Variants in ZNF449 observed in about 807,000 individuals in gnomAD.
The protein encoded by ZNF449 is zinc finger and SCAN domain-containing protein 19.
Under a neutral mutation model 32.6 loss-of-function variants are expected in ZNF449, and 4 were observed. The ratio of observed to expected loss-of-function variants is 0.12; its 90% CI spans 0.06 to 0.28. ZNF449 has a LOEUF of 0.28. ZNF449 is among the 10% of genes least tolerant of loss of function. The probability of loss-of-function intolerance (pLI) is 1.00; values close to 1 mark genes in which losing one functional copy is unlikely to be tolerated. For missense variants in ZNF449, 275 were observed against 383.2 expected (o/e 0.72, Z 2.36); for synonymous variants, 123 against 132.2 (o/e 0.93, Z 0.48).
At chrX:135,358,786 A>C (rs1241976856) in intron 3 of ZNF449, among the ~76,000 whole-genome samples, 1 of 111,761 alleles carries the variant, frequency 8.9e-6, no homozygotes, top group Non-Finnish European at 1.9e-5. Flanking sequence ...TTTACTTCAC[A>C]GCAGCTTTCT....
intron 3 of ZNF449, among the ~76,000 whole-genome samples, chrX:135,353,122 A>C (rs1369152662): frequency 9.0e-6 from 1 of 111,598 alleles, no homozygotes; most frequent in African/African-American, 3.3e-5. Context: ...TTCCTTGCCA[A>C]AGGAATTTCT....
At chrX:135,344,866 C>T (rs1461386247) in intron 1 of ZNF449, 31 bp downstream of exon 1, 1 of 113,358 alleles carries the variant, frequency 8.8e-6, no homozygotes, top group Admixed American at 9.2e-5. Flanking sequence ...AGGGCGTGGC[C>T]GTTCCCTGGG....
In ZNF449 at chrX:135,360,953, C is replaced by T. The variant is rs141878135; in HGVS notation, c.1434C>T (p.Leu478=). Residue 478 remains leucine, a synonymous_variant, in exon 5 of 5, where the codon CTC becomes CTT. Coordinates refer to ENST00000339249, the MANE Select transcript of ZNF449 (RefSeq NM_152695.6). The part of the protein sequence containing the change: ...CGKSFRQRPS[L]VIHLRIHTGE... Reference sequence around the variant, plus strand: ...AAAGTTTTAGACAGAGACCAAGCCTCGTTATTCATTTAAGAATCCACACAG... The same window carrying T: ...AAAGTTTTAGACAGAGACCAAGCCTTGTTATTCATTTAAGAATCCACACAG... The T allele has an allele frequency of 1.6e-3, 1,917 of 1,209,437 alleles. 2 individuals are homozygous for T. Among genetic ancestry groups the T allele is most frequent in the Non-Finnish European group, 1.9e-3 (1,732 of 894,944 alleles).
chrX:135,362,906 C>T lies in ZNF449; in HGVS notation c.*1830C>T, dbSNP rs1556454805. 1.8e-5 allele frequency: 2 copies of T among 111,971 alleles called. No homozygotes were observed. Among genetic ancestry groups the T allele is most frequent in the African/African-American group, 6.5e-5 (2 of 30,804 alleles). The allele number at this position is 111,971 out of a possible 1,213,427, so 9.2% of individuals were successfully genotyped here. On this transcript the variant is annotated 3_prime_UTR_variant, in exon 5 of 5. Transcript: ENST00000339249. ...CTAGACCCAGGATGTATCTTTAATT[C>T]TTGTCATCCAGGTCAACATATGATG...
At position 135,362,680 on chromosome X, in the gene ZNF449, G is replaced by A. The variant is rs375711693; in HGVS notation, c.*1604G>A. Reference sequence around the variant, plus strand: ...ATGTCTTTATTCCATTGAAGTTCTCGAGAGTGATATAAATACTTTGGGGGG... The same window carrying A: ...ATGTCTTTATTCCATTGAAGTTCTCAAGAGTGATATAAATACTTTGGGGGG... On this transcript the variant is annotated 3_prime_UTR_variant, in exon 5 of 5. Transcript: ENST00000339249. The A allele has an allele frequency of 8.9e-6, 1 of 111,904 alleles. No homozygotes were observed. Among genetic ancestry groups the A allele is most frequent in the Non-Finnish European group, 1.9e-5 (1 of 53,111 alleles). 9.2% of individuals were successfully genotyped at this position (111,904 alleles called of 1,213,427 possible).
At chrX:135,344,906 C>T (rs1195752374) in intron 1 of ZNF449, 71 bp downstream of exon 1, 1 of 113,130 alleles carries the variant, frequency 8.8e-6, no homozygotes, top group Non-Finnish European at 1.9e-5. Flanking sequence ...GGCTCCTTTC[C>T]GTGGCCGGGG....
intron 3 of ZNF449, among the ~76,000 whole-genome samples, chrX:135,353,519 C>T (rs1313889563): frequency 2.7e-5 from 3 of 110,808 alleles, no homozygotes; most frequent in Non-Finnish European, 5.7e-5. Flanking sequence ...TTAGCTATAG[C>T]CAGAGGATGA....
chrX:135,362,728 T>C lies in ZNF449; in HGVS notation c.*1652T>C, dbSNP rs1444503566. 8.9e-6 allele frequency: 1 copy of C among 112,075 alleles called. No individual in the cohort carries two copies. The highest frequency in any genetic ancestry group is 3.2e-5 in the African/African-American group (1 of 30,856). The allele number at this position is 112,075 out of a possible 1,213,427, so 9.2% of individuals were successfully genotyped here. On this transcript the variant is annotated 3_prime_UTR_variant, in exon 5 of 5. Coordinates refer to ENST00000339249, the MANE Select transcript of ZNF449 (RefSeq NM_152695.6). The stretch of plus-strand genomic sequence containing the variant: ...GGGTATCTACTATGTGCCTAACTAG[T>C]CCTGTTCTAGGCTTAGTGGAAGCTA...
At chrX:135,346,787 TTA>T (rs1240921383) in intron 1 of ZNF449, among the ~76,000 whole-genome samples, 29 of 97,426 alleles carry the variant, frequency 3.0e-4, no homozygotes, top group Non-Finnish European at 1.3e-4. Context: ...CTTTGAGATT[TTA>T]TAAACTTTTG....
rs1556448745 is a variant in ZNF449, at chrX:135,347,463, A to G, written c.345A>G (p.Pro115=). The change falls in exon 2 of 5, where the codon CCA becomes CCG. Residue 115 remains proline, a synonymous_variant. Coordinates refer to ENST00000339249, the MANE Select transcript of ZNF449 (RefSeq NM_152695.6). ...ACTTACAGAGAGAACTTGAGATACC[A>G]GAGCAGCAGGTAAGAAAAGAATGTG... ...IEDLQRELEI[P]EQQVDMHDML... is the part of the protein sequence containing the mutation. 10 of 1,210,517 alleles carry G rather than the reference A, an allele frequency of 8.3e-6. No homozygotes were observed. The highest frequency in any genetic ancestry group is 1.0e-5 in the Non-Finnish European group (9 of 895,330).
At chrX:135,351,658 TAAAAAAAAAAAAAAAAAA>T (rs782046147) in intron 3 of ZNF449, among the ~76,000 whole-genome samples, 1 of 49,505 alleles carries the variant, frequency 2.0e-5, no homozygotes, top group African/African-American at 7.8e-5. Context: ...TGAGGAATTC[TAAAAAAAAAAAAAAAAAA>T]AAAAAAAAAC....
At chrX:135,354,624 C>A (rs1556451336) in intron 3 of ZNF449, among the ~76,000 whole-genome samples, 1 of 112,037 alleles carries the variant, frequency 8.9e-6, no homozygotes, top group Non-Finnish European at 1.9e-5. Context: ...GGTGTAGAGA[C>A]TGTCCTGATG....
rs190088263 is a variant in ZNF449, at chrX:135,356,433, A to G, written c.560-3459A>G. On this transcript the variant is annotated intron_variant, in intron 3 of 4. Transcript: ENST00000339249. ...CTTTCTTTGAAGAGTAACGATGCTG[A>G]ACATGCTTTCATGTGCTTATTGGTC... is the stretch of plus-strand genomic sequence containing the variant. Among the ~76,000 whole-genome samples, 3 of 111,955 alleles carry G rather than the reference A, an allele frequency of 2.7e-5. No homozygotes were observed. In the East Asian group the frequency reaches 8.4e-4, roughly 31 times the overall value.
chrX:135,348,136 G>C, intron 2 of ZNF449: 1 of 128,280 alleles, frequency 7.8e-6, no homozygotes, highest in Admixed American at 8.7e-5. Flanking sequence ...ACTACGAACA[G>C]TGTTGCTCCT....
intron 3 of ZNF449, among the ~76,000 whole-genome samples, chrX:135,351,995 A>G (rs1325615711): frequency 1.8e-5 from 2 of 112,373 alleles, no homozygotes; most frequent in Non-Finnish European, 3.8e-5. Context: ...GTGATATATT[A>G]TGCTTTGAAA....
chrX:135,362,319 CAT>C lies in ZNF449; in HGVS notation c.*1246_*1247del, dbSNP rs1569498358. On this transcript the variant is annotated 3_prime_UTR_variant, in exon 5 of 5. Coordinates refer to ENST00000339249, the MANE Select transcript of ZNF449 (RefSeq NM_152695.6). ...TTACATTTACACACACACGCACACA[CAT>C]ATGTATATACACATATCATTTTAAG... 2 of 111,943 alleles carry C rather than the reference CAT, an allele frequency of 1.8e-5. No homozygotes were observed. The highest frequency in any genetic ancestry group is 1.9e-4 in the Admixed American group (2 of 10,548). The allele number at this position is 111,943 out of a possible 1,213,427, so 9.2% of individuals were successfully genotyped here. A position where few individuals can be genotyped will look rare whatever the true frequency, so the allele number is the denominator to read the frequency against.
chrX:135,347,510 AG>A (rs1556448782), intron 2 of ZNF449, 38 bp downstream of exon 2: 1 of 1,205,467 alleles, frequency 8.3e-7, no homozygotes, highest in Admixed American at 2.2e-5. Context: ...ATTGGTCCAA[AG>A]GAAGTAGCTG....
At chrX:135,349,423 C>T in intron 3 of ZNF449, 109 bp downstream of exon 3, 1 of 751,110 alleles carries the variant, frequency 1.3e-6, no homozygotes, top group Non-Finnish European at 1.9e-6. Flanking sequence ...AAATTGACCA[C>T]TCAGATAAAG....
rs1422784578 is a variant in ZNF449, at chrX:135,360,297, C to A, written c.778C>A (p.Pro260Thr). 1 of 1,208,633 alleles carries A rather than the reference C, an allele frequency of 8.3e-7. No individual in the cohort carries two copies. Among genetic ancestry groups the A allele is most frequent in the African/African-American group, 1.8e-5 (1 of 56,922 alleles). ...TTTAGAGGGGAATGCTCTCCAGGGT[C>A]CCATTTTGCAAAAAGACTATGTACA... The part of the protein sequence containing the change: ...VTLEGNALQG[P>T]ILQKDYVQLE... The change falls in exon 5 of 5, where the codon CCC becomes ACC. Residue 260 changes from proline (P) to threonine (T), a missense_variant. Pro to Thr is a conservative substitution (Grantham distance 38). This residue lies in a region of ZNF449 where 165 missense variants were observed against 175.0 expected (regional missense o/e 0.94). Coordinates refer to ENST00000339249, the MANE Select transcript of ZNF449 (RefSeq NM_152695.6).
Sources: allele counts gnomAD v4.1 joint callset (sites outside exome capture counted in the v4.1 genomes callset), GRCh38; gene constraint gnomAD v4.1.1; regional missense constraint gnomAD v4.1.1; transcripts MANE v1.5; gene names NCBI Gene and HGNC (gene_info 2026-07-23, HGNC 2026-07-21).